The following GALK2 variants were observed in gnomAD, a reference collection of about 807,000 sequenced individuals.
The protein encoded by GALK2 is galactokinase 2.
In GALK2, 36 loss-of-function variants were observed where a neutral mutation model predicts 52.4. The observed-to-expected ratio is 0.69, with a 90% CI of 0.53 to 0.91. GALK2 has a LOEUF of 0.91. Ranked by LOEUF, GALK2 falls within the 40% of genes least tolerant of loss-of-function variation. GALK2 has a pLI of 0.00. For synonymous variants in GALK2, 176 were observed against 199.1 expected, an observed-to-expected ratio of 0.88 and a Z score of 0.98; for missense variants, 579 against 559.1, an observed-to-expected ratio of 1.04 and a Z score of -0.36.
At chr15:49,297,413 T>A (rs2034580562) in intron 8 of GALK2, among the ~76,000 whole-genome samples, 1 of 152,220 alleles carries the variant, frequency 6.6e-6, no homozygotes, top group Admixed American at 6.5e-5. Flanking sequence ...TTTCTTTTGC[T>A]GTACAGAAGC....
exon 1 of GALK2, chr15:49,155,808 A>G (rs2084429525): frequency 1.6e-5 from 11 of 704,204 alleles, no homozygotes; most frequent in Admixed American, 1.4e-4. Flanking sequence ...AAAGCTGGCA[A>G]CTGGGACATC....
At chr15:49,305,490 T>A (rs1002788916) in intron 8 of GALK2, among the ~76,000 whole-genome samples, 1 of 152,162 alleles carries the variant, frequency 6.6e-6, no homozygotes, top group Non-Finnish European at 1.5e-5. Context: ...CATTAGGACT[T>A]CTCTAATATT....
intron 3 of GALK2, among the ~76,000 whole-genome samples, chr15:49,346,798 T>C (rs1004225390): frequency 6.6e-6 from 1 of 152,212 alleles, no homozygotes; most frequent in Non-Finnish European, 1.5e-5. Context: ...TCCTACTTTA[T>C]ACACTAGAAT....
intron 8 of GALK2, among the ~76,000 whole-genome samples, chr15:49,314,982 A>G (rs1176137374): frequency 6.6e-6 from 1 of 152,272 alleles, no homozygotes; most frequent in African/African-American, 2.4e-5. Flanking sequence ...GAGGCTGGGC[A>G]GAAGGAATTT....
intron 2 of GALK2, 39 bp downstream of exon 2, chr15:49,201,289 C>A: frequency 8.8e-7 from 1 of 1,133,350 alleles, no homozygotes; most frequent in Non-Finnish European, 1.3e-6. Context: ...TTTTCTTCAT[C>A]CTTTGATAAG....
chr15:49,220,802 T>C (rs569434249), intron 3 of GALK2, among the ~76,000 whole-genome samples: 1 of 152,230 alleles, frequency 6.6e-6, no homozygotes, highest in Non-Finnish European at 1.5e-5. Context: ...TGTCTCATTG[T>C]GGTTTTGATT....
chr15:49,195,095 G>C (rs950718143), intron 1 of GALK2: 1 of 451,920 alleles, frequency 2.2e-6, no homozygotes. Context: ...ATGGAGTCTC[G>C]CTCTGTCACC....
At chr15:49,293,769 T>C (rs1467328885) in intron 8 of GALK2, among the ~76,000 whole-genome samples, 1 of 152,106 alleles carries the variant, frequency 6.6e-6, no homozygotes, top group East Asian at 1.9e-4. Flanking sequence ...GATGGAGTTG[T>C]ACTTGGGTCT....
At chr15:49,192,845 A>T (rs977504997) in intron 1 of GALK2, among the ~76,000 whole-genome samples, 21 of 151,850 alleles carry the variant, frequency 1.4e-4, no homozygotes, top group African/African-American at 5.1e-4. Context: ...GAGACAGGTC[A>T]CCCTATGTGG....
chr15:49,326,109 A>T (rs1415770373), intron 9 of GALK2, among the ~76,000 whole-genome samples: 2 of 152,158 alleles, frequency 1.3e-5, no homozygotes, highest in Non-Finnish European at 2.9e-5. Context: ...AAAATCAAGT[A>T]AGAAGGCACA....
chr15:49,235,336 T>C (rs2090743756), intron 3 of GALK2, among the ~76,000 whole-genome samples: 1 of 152,240 alleles, frequency 6.6e-6, no homozygotes, highest in South Asian at 2.1e-4. Flanking sequence ...TTGTATTCAT[T>C]TGTTAACTTA....
At chr15:49,264,584 T>G (rs1339876259) in intron 5 of GALK2, among the ~76,000 whole-genome samples, 1 of 152,234 alleles carries the variant, frequency 6.6e-6, no homozygotes, top group Non-Finnish European at 1.5e-5. Flanking sequence ...GTCAAAGTCA[T>G]TCTCCATCCA....
chr15:49,332,030 TGAG>T (rs2038862604), downstream of GALK2: 7 of 576,608 alleles, frequency 1.2e-5, no homozygotes, highest in South Asian at 1.5e-4. Context: ...ATTTTATAAA[TGAG>T]GAAACAGGCT....
At chr15:49,250,269 A>C (rs559183571) in intron 5 of GALK2, among the ~76,000 whole-genome samples, 1 of 152,220 alleles carries the variant, frequency 6.6e-6, no homozygotes, top group Non-Finnish European at 1.5e-5. Flanking sequence ...TGATTCAAAG[A>C]GAAAAGGTTA....
At chr15:49,350,199 T>C (rs970964140) in intron 3 of GALK2, among the ~76,000 whole-genome samples, 1 of 152,188 alleles carries the variant, frequency 6.6e-6, no homozygotes, top group Non-Finnish European at 1.5e-5. Context: ...ATGTCTGACA[T>C]TTGCATTGTC....
chr15:49,281,832 C>T (rs1389306121), intron 5 of GALK2, among the ~76,000 whole-genome samples, 155 bp from the exon 6 acceptor site: 1 of 152,202 alleles, frequency 6.6e-6, no homozygotes, highest in Non-Finnish European at 1.5e-5. Context: ...TTCCTATAGT[C>T]TGGAGCCCTT....
chr15:49,256,142 A>G (rs1196303771), intron 5 of GALK2, among the ~76,000 whole-genome samples: 2 of 152,158 alleles, frequency 1.3e-5, no homozygotes, highest in Non-Finnish European at 2.9e-5. Context: ...AGCAACGCGA[A>G]TTTGGTTTGA....
intron 3 of GALK2, among the ~76,000 whole-genome samples, chr15:49,354,586 G>A (rs1032602691): frequency 6.6e-6 from 1 of 152,222 alleles, no homozygotes; most frequent in South Asian, 2.1e-4. Flanking sequence ...CACCTGGCTG[G>A]AAGGGTCCTA....
intron 7 of GALK2, 149 bp downstream of exon 7, chr15:49,283,867 A>C: frequency 2.5e-6 from 2 of 796,600 alleles, no homozygotes; most frequent in Non-Finnish European, 3.9e-6. Flanking sequence ...GGTACAGAGA[A>C]ATCTGATTTC....
Sources: gnomAD v4.1 joint callset for allele counts (sites outside exome capture counted in the v4.1 genomes callset) on GRCh38, gnomAD v4.1.1 for gene constraint, MANE v1.5 for transcripts, NCBI Gene and HGNC (gene_info 2026-07-23, HGNC 2026-07-21) for gene names.